Variants in SOX5 observed in about 807,000 individuals in gnomAD.
The protein encoded by SOX5 is transcription factor SOX-5.
SOX5 carries 9 observed loss-of-function variants against 92.0 expected under a neutral mutation model. That is an observed-to-expected ratio of 0.10 (90% CI 0.06 to 0.17). The LOEUF is 0.17. Ranked by LOEUF, SOX5 falls within the 10% of genes least tolerant of loss-of-function variation. The pLI is 1.00. For synonymous variants in SOX5, 344 were observed against 336.3 expected, an observed-to-expected ratio of 1.02 and a Z score of -0.25; for missense variants, 642 against 944.5, an observed-to-expected ratio of 0.68 and a Z score of 4.20.
chr12:24,328,743 A>C (rs778515343), intron 2 of SOX5, among the ~76,000 whole-genome samples: 29 of 152,244 alleles, frequency 1.9e-4, no homozygotes, highest in Non-Finnish European at 3.8e-4. Flanking sequence ...TGGGAGATGC[A>C]AACTACCTTT....
chr12:24,031,110 C>T (rs1021855784), intron 4 of SOX5, among the ~76,000 whole-genome samples: 43 of 151,786 alleles, frequency 2.8e-4, no homozygotes, highest in African/African-American at 9.7e-4. Context: ...TATATTGGAA[C>T]AGCCATTATG....
Position 24,361,566 on chromosome 12 carries a change from A to G in SOX5, c.-174+6997T>C, listed in dbSNP as rs568547830. Among the ~76,000 whole-genome samples, 237 of 149,272 alleles carry G rather than the reference A, an allele frequency of 1.6e-3. 1 individual carries two copies. The highest frequency in any genetic ancestry group is 5.6e-3 in the African/African-American group (231 of 41,198). ...ATGACAGGTACTCTAAGTATTCTGC[A>G]CTGAAACAAACAGTGAACCAACAGT... On this transcript the variant is annotated intron_variant, in intron 2 of 4. Transcript: ENST00000446891.
intron 1 of SOX5, 94 bp from the exon 2 acceptor site, chr12:23,896,118 C>CT: frequency 1.2e-6 from 1 of 833,902 alleles, no homozygotes; most frequent in Middle Eastern, 3.6e-4. Context: ...ACAGAAATGC[C>CT]TTTTTGTGCT....
intron 2 of SOX5, among the ~76,000 whole-genome samples, chr12:23,873,515 C>T (rs758742655): frequency 2.2e-4 from 34 of 152,000 alleles, no homozygotes; most frequent in Non-Finnish European, 4.4e-4. Context: ...ATTGCTGACA[C>T]CAAAAATAAA....
chr12:23,609,520 T>C (rs1165915139), intron 8 of SOX5, among the ~76,000 whole-genome samples: 1 of 151,954 alleles, frequency 6.6e-6, no homozygotes, highest in Non-Finnish European at 1.5e-5. Flanking sequence ...GCCAATTAAC[T>C]GGGGAAAAGA....
chr12:23,780,743 C>T (rs1433602337), intron 3 of SOX5, among the ~76,000 whole-genome samples: 1 of 151,812 alleles, frequency 6.6e-6, no homozygotes. Context: ...TAAAAAGGGG[C>T]TAAGAATTTG....
intron 6 of SOX5, among the ~76,000 whole-genome samples, chr12:23,718,563 T>C (rs2092637830): frequency 6.6e-6 from 1 of 152,362 alleles, no homozygotes; most frequent in South Asian, 2.1e-4. Context: ...TAATCTCTCA[T>C]CTTTACCTCT....
At chr12:23,951,242 A>G (rs1246191605), upstream of SOX5, among the ~76,000 whole-genome samples, 1 of 152,086 alleles carries the variant, frequency 6.6e-6, no homozygotes, top group Non-Finnish European at 1.5e-5. Flanking sequence ...TAGTCTGTAC[A>G]GCCAATGTCC....
chr12:24,422,018 T>C (rs1965988486), intron 1 of SOX5, among the ~76,000 whole-genome samples: 1 of 152,178 alleles, frequency 6.6e-6, no homozygotes, highest in Non-Finnish European at 1.5e-5. Flanking sequence ...TATAATCCCA[T>C]CTGTAAAGGT....
At position 24,331,576 on chromosome 12, in the gene SOX5, G is replaced by A. The variant is rs1279667773; in HGVS notation, c.-174+36987C>T. ...AAGAAATTTAAAATACAGGCCGGGC[G>A]TGGTGGCTCACACCTGTAATCCCAG... On this transcript the variant is annotated intron_variant, in intron 2 of 4. Transcript: ENST00000446891. 4.6e-5 allele frequency among the ~76,000 whole-genome samples: 7 copies of A among 152,158 alleles called. No individual in the cohort carries two copies. In the East Asian group the frequency reaches 5.8e-4, roughly 13 times the overall value.
intron 9 of SOX5, among the ~76,000 whole-genome samples, chr12:23,596,632 T>G (rs1457006113): frequency 6.6e-6 from 1 of 152,168 alleles, no homozygotes; most frequent in Non-Finnish European, 1.5e-5. Context: ...GATCAATAGT[T>G]TAGCATAAAA....
intron 1 of SOX5, among the ~76,000 whole-genome samples, chr12:24,373,392 A>G (rs558941608): frequency 6.6e-6 from 1 of 152,326 alleles, no homozygotes; most frequent in East Asian, 1.9e-4. Flanking sequence ...TCATTCATTC[A>G]TTCATACAAT....
chr12:23,704,559 T>C (rs1051225180), intron 6 of SOX5, among the ~76,000 whole-genome samples: 1 of 151,188 alleles, frequency 6.6e-6, no homozygotes, highest in African/African-American at 2.4e-5. Flanking sequence ...CCTAGGAAAG[T>C]TGTTACCACC....
chr12:24,016,318 C>T (rs1170765765), intron 4 of SOX5, among the ~76,000 whole-genome samples: 3 of 151,924 alleles, frequency 2.0e-5, no homozygotes, highest in Non-Finnish European at 4.4e-5. Flanking sequence ...TCTAACCAAT[C>T]GGGAAAAAAA....
intron 4 of SOX5, among the ~76,000 whole-genome samples, chr12:24,180,895 C>T (rs549089284): frequency 1.3e-5 from 2 of 152,302 alleles, no homozygotes; most frequent in South Asian, 4.1e-4. Flanking sequence ...ACTCAACTCA[C>T]CCATGGCTCA....
chr12:24,548,444 G>A (rs1419883123), intron 1 of SOX5, among the ~76,000 whole-genome samples: 1 of 152,206 alleles, frequency 6.6e-6, no homozygotes, highest in Non-Finnish European at 1.5e-5. Context: ...GTACGAGGGA[G>A]AAGCGTTGTA....
At chr12:23,641,422 G>A (rs537757367) in intron 7 of SOX5, among the ~76,000 whole-genome samples, 1 of 152,190 alleles carries the variant, frequency 6.6e-6, no homozygotes, top group Admixed American at 6.5e-5. Context: ...CATTTTATGT[G>A]TTTTTCAAGT....
At chr12:23,725,807 T>C (rs1019075419) in intron 6 of SOX5, among the ~76,000 whole-genome samples, 3 of 151,984 alleles carry the variant, frequency 2.0e-5, no homozygotes, top group African/African-American at 2.4e-5. Context: ...GAATAAGAAA[T>C]AGAAACTTAA....
intron 6 of SOX5, among the ~76,000 whole-genome samples, chr12:23,674,621 A>G (rs941027122): frequency 1.1e-4 from 16 of 152,096 alleles, no homozygotes; most frequent in Non-Finnish European, 2.1e-4. Flanking sequence ...TACAGGCATG[A>G]GCCACCGCAC....
Sources: allele counts gnomAD v4.1 joint callset (sites outside exome capture counted in the v4.1 genomes callset), GRCh38; gene constraint gnomAD v4.1.1; transcripts MANE v1.5; gene names NCBI Gene and HGNC (gene_info 2026-07-23, HGNC 2026-07-21).